Variants in AREL1 observed in about 807,000 individuals in gnomAD.
AREL1 encodes apoptosis-resistant E3 ubiquitin protein ligase 1.
A neutral mutation model predicts 99.0 loss-of-function variants in AREL1; 62 were observed. The ratio of observed to expected loss-of-function variants is 0.63; its 90% CI spans 0.51 to 0.77. The LOEUF (loss-of-function observed/expected upper bound fraction) is 0.77, where lower values mean the gene tolerates loss of function less well. AREL1 is among the 30% of genes least tolerant of loss of function. AREL1 has a pLI of 0.00. For missense variants in AREL1, 879 were observed against 1,027.6 expected (o/e 0.86, Z 1.98); for synonymous variants, 380 against 376.5 (o/e 1.01, Z -0.11).
chr14:74,698,827 C>T, intron 1 of AREL1: 1 of 234,280 alleles, frequency 4.3e-6, no homozygotes, highest in Admixed American at 4.0e-5. Flanking sequence ...AGTTCAAGAC[C>T]AATCTGGGTA....
chr14:74,708,924 T>C (rs1594773720), intron 1 of AREL1, among the ~76,000 whole-genome samples: 1 of 152,240 alleles, frequency 6.6e-6, no homozygotes, highest in South Asian at 2.1e-4. Context: ...AACATCACTA[T>C]GGTGCTGTAA....
chr14:74,690,257 C>T (rs1414368370), intron 2 of AREL1, among the ~76,000 whole-genome samples: 3 of 129,740 alleles, frequency 2.3e-5, no homozygotes, highest in Non-Finnish European at 5.0e-5. Context: ...GAGCAAGACC[C>T]TGTCTCCAAA....
rs561716711 is a variant in AREL1, at chr14:74,670,060, C to A, written c.1675G>T (p.Val559Leu). 1.9e-6 allele frequency: 3 copies of A among 1,613,962 alleles called. No individual in the cohort carries two copies. Among genetic ancestry groups the A allele is most frequent in the South Asian group, 2.2e-5 (2 of 91,068 alleles). ...LKMYEFAGRL[V>L]GKCLYESSLG... ...GAGGACTCATAGAGACACTTGCCCA[C>A]GAGCCGTCCCGCAAACTCATACATT... Residue 559 changes from valine (V) to leucine (L), a missense_variant, in exon 14 of 20, where the codon GTG becomes TTG. Physicochemically the swap from Val to Leu is conservative, Grantham distance 32 (BLOSUM62 1). Transcript: ENST00000356357.
In AREL1 at chr14:74,661,626, T is replaced by G; in HGVS notation, c.*2094A>C. 5.3e-6 allele frequency: 1 copy of G among 187,070 alleles called. No individual in the cohort carries two copies. Among genetic ancestry groups the G allele is most frequent in the South Asian group, 8.0e-5 (1 of 12,424 alleles). The allele number at this position is 187,070 out of a possible 1,614,324, so 11.6% of individuals were successfully genotyped here. On this transcript the variant is annotated 3_prime_UTR_variant, in exon 20 of 20. Coordinates refer to ENST00000356357, the MANE Select transcript of AREL1 (RefSeq NM_001039479.2). The stretch of plus-strand genomic sequence containing the variant: ...ATTAGAAAAAAAAAAAACAAAACAG[T>G]AAAAGAAAAGGCCCAAGAGAGCAAA...
At chr14:74,671,299 A>G (rs1462852392) in intron 12 of AREL1, 109 bp downstream of exon 12, 94 of 258,382 alleles carry the variant, frequency 3.6e-4, no homozygotes, top group South Asian at 6.2e-4. Flanking sequence ...TTTTTTAGGG[A>G]GTGAGTAGGA....
intron 5 of AREL1, among the ~76,000 whole-genome samples, chr14:74,680,427 A>G (rs2089603828): frequency 6.6e-6 from 1 of 152,248 alleles, no homozygotes; most frequent in African/African-American, 2.4e-5. Flanking sequence ...AAGGATGTGA[A>G]GAAACTGGAT....
chr14:74,677,832 GA>G, intron 5 of AREL1, among the ~76,000 whole-genome samples: 1 of 143,042 alleles, frequency 7.0e-6, no homozygotes, highest in African/African-American at 2.6e-5. Flanking sequence ...AAAAAAAAAA[GA>G]GGAAAAAACA....
intron 1 of AREL1, among the ~76,000 whole-genome samples, chr14:74,709,924 A>T (rs923836648): frequency 6.6e-6 from 1 of 152,248 alleles, no homozygotes; most frequent in African/African-American, 2.4e-5. Context: ...AATGGAATGA[A>T]GTCCAAGCCC....
intron 2 of AREL1, among the ~76,000 whole-genome samples, chr14:74,690,859 T>C (rs972923395): frequency 6.6e-6 from 1 of 152,238 alleles, no homozygotes; most frequent in African/African-American, 2.4e-5. Context: ...GGCCAAACAC[T>C]GCCTTCAGTG....
intron 1 of AREL1, among the ~76,000 whole-genome samples, chr14:74,704,624 G>GC (rs1241997815): frequency 6.6e-6 from 1 of 152,090 alleles, no homozygotes; most frequent in African/African-American, 2.4e-5. Flanking sequence ...TGATTTGGGG[G>GC]CCCCAAGACT....
intron 1 of AREL1, among the ~76,000 whole-genome samples, chr14:74,709,231 G>A (rs2090239199): frequency 6.6e-6 from 1 of 152,176 alleles, no homozygotes; most frequent in Non-Finnish European, 1.5e-5. Flanking sequence ...GAGGCCAGGA[G>A]TTCAAGATCA....
At position 74,670,192 on chromosome 14, in the gene AREL1, T is replaced by C. The variant is rs915385431; in HGVS notation, c.1609-66A>G. On this transcript the variant is annotated intron_variant, in intron 13 of 19. Coordinates refer to ENST00000356357, the MANE Select transcript of AREL1 (RefSeq NM_001039479.2). ...TTCAAGCCCAGTTCTGGAAGGACCC[T>C]TCCTTCCCCAACCCCATGCCAAAGG... The C allele has an allele frequency of 4.8e-6, 7 of 1,458,382 alleles. No homozygotes were observed. In the African/African-American group the frequency reaches 5.7e-5, roughly 12 times the overall value. 90.3% of individuals were successfully genotyped at this position (1,458,382 alleles called of 1,614,324 possible).
chr14:74,692,122 T>C lies in AREL1; in HGVS notation c.-127A>G. 2 of 442,284 alleles carry C rather than the reference T, an allele frequency of 4.5e-6. No homozygotes were observed. Among genetic ancestry groups the C allele is most frequent in the South Asian group, 3.2e-5 (2 of 61,946 alleles). 27.4% of individuals were successfully genotyped at this position (442,284 alleles called of 1,614,324 possible). ...CAGGTAACTTTTGGCCCCTTTCACC[T>C]TGTCTTCCAACTTCCACATGAAAGA... On this transcript the variant is annotated 5_prime_UTR_variant, in exon 2 of 20. Transcript: ENST00000356357.
intron 5 of AREL1, among the ~76,000 whole-genome samples, chr14:74,678,682 A>G (rs539230828): frequency 7.0e-6 from 1 of 142,486 alleles, no homozygotes; most frequent in South Asian, 2.4e-4. Context: ...GCTGGAGTAA[A>G]GACATGTATA....
Position 74,692,145 on chromosome 14 carries a change from A to C in AREL1, c.-150T>G, listed in dbSNP as rs2089895770. Reference sequence around the variant, plus strand: ...CCTTGTCTTCCAACTTCCACATGAAAGAAAAACGCCACAAGGTCAACAGAA... The same window carrying C: ...CCTTGTCTTCCAACTTCCACATGAACGAAAAACGCCACAAGGTCAACAGAA... On this transcript the variant is annotated 5_prime_UTR_variant, in exon 2 of 20. Transcript: ENST00000356357. The C allele has an allele frequency of 2.2e-6, 1 of 444,964 alleles. No individual in the cohort carries two copies. The highest frequency in any genetic ancestry group is 4.5e-6 in the Non-Finnish European group (1 of 224,316). The allele number at this position is 444,964 out of a possible 1,614,324, so 27.6% of individuals were successfully genotyped here. A position where few individuals can be genotyped will look rare whatever the true frequency, so the allele number is the denominator to read the frequency against.
intron 1 of AREL1, among the ~76,000 whole-genome samples, chr14:74,700,166 CTTTA>C: frequency 6.6e-6 from 1 of 152,336 alleles, no homozygotes; most frequent in South Asian, 2.1e-4. Context: ...AAGAATCAAC[CTTTA>C]TTGAGAACTT....
At chr14:74,665,171 G>A (rs571392871) in intron 17 of AREL1, among the ~76,000 whole-genome samples, 1 of 151,968 alleles carries the variant, frequency 6.6e-6, no homozygotes, top group African/African-American at 2.4e-5. Context: ...TTATACAAGT[G>A]TTGGTGGCCC....
intron 1 of AREL1, among the ~76,000 whole-genome samples, chr14:74,708,785 C>G (rs930103671): frequency 6.6e-6 from 1 of 152,162 alleles, no homozygotes; most frequent in Non-Finnish European, 1.5e-5. Flanking sequence ...TCATATGGAA[C>G]CGTTCAATTA....
rs369603208 is a variant in AREL1, at chr14:74,663,884, C to A, written c.2369+15G>T. 5.8e-5 allele frequency: 93 copies of A among 1,614,026 alleles called. No homozygotes were observed. The highest frequency in any genetic ancestry group is 1.0e-4 in the Admixed American group (6 of 60,008). ...CCAAAAACACTGGGCATGCATCAGG[C>A]GGGCAGATACCTACCATGTGTGTGC... On this transcript the variant is annotated intron_variant, in intron 19 of 19. Coordinates refer to ENST00000356357, the MANE Select transcript of AREL1 (RefSeq NM_001039479.2).
Sources: gnomAD v4.1 joint callset for allele counts (sites outside exome capture counted in the v4.1 genomes callset) on GRCh38, gnomAD v4.1.1 for gene constraint, MANE v1.5 for transcripts, NCBI Gene and HGNC (gene_info 2026-07-23, HGNC 2026-07-21) for gene names.